The following APP variants were observed in gnomAD, a reference collection of about 807,000 sequenced individuals.
APP encodes amyloid beta precursor protein, also known as amyloid-beta precursor protein.
APP carries 31 observed loss-of-function variants against 101.4 expected under a neutral mutation model. That is an observed-to-expected ratio of 0.31 (90% confidence interval 0.23 to 0.41). APP has a LOEUF of 0.41. Among genes scored for constraint, APP ranks in the 10% least tolerant of loss-of-function variants. APP has a pLI of 1.00. For missense variants in APP, 839 were observed against 1,003.7 expected (o/e 0.84, Z 2.22); for synonymous variants, 366 against 364.4 (o/e 1.00, Z -0.05).
chr21:26,000,487 T>C (rs532996944), intron 6 of APP, among the ~76,000 whole-genome samples: 1 of 152,352 alleles, frequency 6.6e-6, no homozygotes, highest in African/African-American at 2.4e-5. Context: ...GGAAGGTATC[T>C]GCACATCACA....
intron 9 of APP, among the ~76,000 whole-genome samples, chr21:25,976,426 T>A (rs887335074): frequency 6.6e-6 from 1 of 152,216 alleles, no homozygotes; most frequent in Non-Finnish European, 1.5e-5. Flanking sequence ...ACTGAAACCA[T>A]TTTAAACTGT....
intron 8 of APP, among the ~76,000 whole-genome samples, chr21:25,990,457 G>A (rs2040278): frequency 0.3 from 45,932 of 151,910 alleles, 7,715 homozygotes; most frequent in African/African-American, 0.45. Context: ...AATAACTGGC[G>A]TCCAGAATGG....
intron 1 of APP, among the ~76,000 whole-genome samples, chr21:26,115,492 C>T (rs1264264938): frequency 2.6e-5 from 4 of 152,192 alleles, no homozygotes; most frequent in Non-Finnish European, 4.4e-5. Flanking sequence ...AAACAACTCA[C>T]GGCATCCTCA....
At chr21:25,914,711 G>A (rs1283156726) in intron 13 of APP, among the ~76,000 whole-genome samples, 4 of 151,938 alleles carry the variant, frequency 2.6e-5, no homozygotes, top group Admixed American at 6.6e-5. Flanking sequence ...CCGCCACCAC[G>A]CCCGGCTAAT....
intron 1 of APP, among the ~76,000 whole-genome samples, chr21:26,129,050 G>A (rs13047183): frequency 0.038 from 5,711 of 152,256 alleles, 139 homozygotes; most frequent in Admixed American, 0.065. Flanking sequence ...TTGAGAGCAA[G>A]AAAAGAGAGG....
intron 3 of APP, among the ~76,000 whole-genome samples, chr21:26,081,524 G>A (rs2061598815): frequency 6.6e-6 from 1 of 152,134 alleles, no homozygotes; most frequent in African/African-American, 2.4e-5. Context: ...CTTCTTTTGT[G>A]GTGGAATGTC....
chr21:25,895,193 GAC>G (rs921168549), intron 16 of APP, among the ~76,000 whole-genome samples: 8 of 141,694 alleles, frequency 5.6e-5, no homozygotes, highest in African/African-American at 2.1e-4. Flanking sequence ...TTTTTTTTGA[GAC>G]AGAGTCTTGC....
intron 13 of APP, among the ~76,000 whole-genome samples, chr21:25,949,638 G>C (rs541763948): frequency 6.6e-6 from 1 of 152,142 alleles, no homozygotes; most frequent in South Asian, 2.1e-4. Flanking sequence ...AAAAGTACCA[G>C]GGTCCTTGCT....
chr21:26,093,131 C>T (rs1436525724), intron 2 of APP, among the ~76,000 whole-genome samples: 1 of 152,096 alleles, frequency 6.6e-6, no homozygotes. Context: ...TCTAAAAATG[C>T]CACTAAAAAT....
chr21:25,905,771 G>C (rs953887669), intron 14 of APP, among the ~76,000 whole-genome samples: 1 of 152,076 alleles, frequency 6.6e-6, no homozygotes, highest in Non-Finnish European at 1.5e-5. Context: ...ATGTGTTCTG[G>C]GTCCGACCCA....
chr21:25,882,944 C>T (rs563242707), intron 17 of APP, among the ~76,000 whole-genome samples: 9 of 152,116 alleles, frequency 5.9e-5, no homozygotes, highest in Non-Finnish European at 1.0e-4. Context: ...TCCCCCTACA[C>T]ACCCCATCTG....
At chr21:25,918,676 C>T (rs1326068904) in intron 13 of APP, among the ~76,000 whole-genome samples, 2 of 151,752 alleles carry the variant, frequency 1.3e-5, no homozygotes, top group African/African-American at 2.4e-5. Flanking sequence ...TTCAGACCGG[C>T]TTAAGAAACG....
chr21:26,141,299 C>T (rs1174735647), intron 1 of APP, among the ~76,000 whole-genome samples: 2 of 152,178 alleles, frequency 1.3e-5, no homozygotes, highest in African/African-American at 4.8e-5. Flanking sequence ...TTTACATTTA[C>T]TATAAACACC....
At chr21:26,131,756 G>A (rs2062801955) in intron 1 of APP, among the ~76,000 whole-genome samples, 3 of 152,106 alleles carry the variant, frequency 2.0e-5, no homozygotes, top group Admixed American at 6.6e-5. Context: ...AACATTATAT[G>A]TTATCTATTG....
chr21:25,969,765 G>A (rs1442228866), intron 11 of APP, among the ~76,000 whole-genome samples: 1 of 151,432 alleles, frequency 6.6e-6, no homozygotes, highest in Non-Finnish European at 1.5e-5. Context: ...CTTGAGCCCA[G>A]GAGGTTGGGG....
chr21:26,054,290 A>G (rs1312814163), intron 3 of APP, among the ~76,000 whole-genome samples: 4 of 152,212 alleles, frequency 2.6e-5, no homozygotes, highest in Non-Finnish European at 5.9e-5. Context: ...TTGAACTTCC[A>G]TAACGTAAGG....
At position 26,062,230 on chromosome 21, in the gene APP, A is replaced by AACAC. The variant is rs55971567; in HGVS notation, c.356-8886_356-8883dup. ...GTCTCAAAAAACAAACAAACAAACA[A>AACAC]ACACACACACACACACACACACACA... On this transcript the variant is annotated intron_variant, in intron 3 of 17. Transcript: ENST00000346798. 8.9e-3 allele frequency among the ~76,000 whole-genome samples: 1,286 copies of AACAC among 145,134 alleles called. 12 individuals are homozygous for AACAC. Among genetic ancestry groups the AACAC allele is most frequent in the African/African-American group, 0.025 (994 of 39,548 alleles).
chr21:26,088,374 GACT>G (rs1432693898), intron 3 of APP, among the ~76,000 whole-genome samples: 1 of 152,150 alleles, frequency 6.6e-6, no homozygotes, highest in Non-Finnish European at 1.5e-5. Flanking sequence ...TCTGAAACAT[GACT>G]GCAGTTTTGA....
chr21:25,963,435 C>T (rs1442652320), intron 11 of APP, among the ~76,000 whole-genome samples: 3 of 152,112 alleles, frequency 2.0e-5, no homozygotes, highest in South Asian at 2.1e-4. Flanking sequence ...GTGTCAAGAG[C>T]GTTTAAAAGC....
Sources: allele counts gnomAD v4.1 joint callset (sites outside exome capture counted in the v4.1 genomes callset), GRCh38; gene constraint gnomAD v4.1.1; transcripts MANE v1.5; gene names NCBI Gene and HGNC (gene_info 2026-07-23, HGNC 2026-07-21).